DGKK: variants seen among roughly 807,000 people sequenced by gnomAD.
DGKK encodes the protein diacylglycerol kinase kappa.
In DGKK, 35 loss-of-function variants were observed where a neutral mutation model predicts 92.2. That is an observed-to-expected ratio of 0.38 (90% CI 0.29 to 0.50). DGKK has a LOEUF of 0.50. DGKK is among the 20% of genes least tolerant of loss of function. DGKK has a pLI of 0.92. For missense variants in DGKK, 910 were observed against 992.2 expected (o/e 0.92, Z 1.11); for synonymous variants, 368 against 360.6 (o/e 1.02, Z -0.23).
chrX:50,458,457 A>G (rs940882682), intron 1 of DGKK, among the ~76,000 whole-genome samples: 13 of 109,055 alleles, frequency 1.2e-4, no homozygotes, highest in Non-Finnish European at 1.9e-5. Context: ...GAGAAAGCAG[A>G]TGAGACTTTT....
intron 1 of DGKK, among the ~76,000 whole-genome samples, chrX:50,439,865 G>GA (rs782078479): frequency 1.7e-4 from 19 of 110,771 alleles, no homozygotes; most frequent in African/African-American, 5.9e-4. Flanking sequence ...GGTCCCCAGA[G>GA]AAAAAAACAG....
chrX:50,383,195 A>G (rs1185434480), intron 17 of DGKK, among the ~76,000 whole-genome samples: 1 of 111,994 alleles, frequency 8.9e-6, no homozygotes, highest in Non-Finnish European at 1.9e-5. Flanking sequence ...GCTCATGTAA[A>G]CTGATTATGC....
intron 8 of DGKK, among the ~76,000 whole-genome samples, chrX:50,400,179 T>A (rs1557226464): frequency 8.9e-6 from 1 of 111,988 alleles, no homozygotes; most frequent in Non-Finnish European, 1.9e-5. Context: ...CATAATTGCC[T>A]AGCTCTTGTT....
At chrX:50,466,985 A>G (rs1926925451) in intron 1 of DGKK, among the ~76,000 whole-genome samples, 1 of 111,906 alleles carries the variant, frequency 8.9e-6, no homozygotes, top group Admixed American at 9.4e-5. Flanking sequence ...AATCATTTGT[A>G]TGATGTGATT....
At chrX:50,410,918 G>T (rs1373148155) in intron 4 of DGKK, among the ~76,000 whole-genome samples, 2 of 111,180 alleles carry the variant, frequency 1.8e-5, no homozygotes, top group African/African-American at 6.6e-5. Context: ...GTCACTTGGG[G>T]TCAGTAAGAA....
At chrX:50,467,175 G>A (rs1557234040) in intron 1 of DGKK, among the ~76,000 whole-genome samples, 1 of 112,306 alleles carries the variant, frequency 8.9e-6, no homozygotes, top group Non-Finnish European at 1.9e-5. Flanking sequence ...GCTGCCACCA[G>A]GTGGGAGACC....
chrX:50,445,795 T>G (rs1318370843), intron 1 of DGKK, among the ~76,000 whole-genome samples: 1 of 111,425 alleles, frequency 9.0e-6, no homozygotes, highest in South Asian at 3.7e-4. Context: ...GATTTTTACA[T>G]AGTTTTTTCT....
intron 4 of DGKK, among the ~76,000 whole-genome samples, chrX:50,415,123 T>C (rs17003348): frequency 0.046 from 5,137 of 111,439 alleles, 205 homozygotes; most frequent in African/African-American, 0.13. Context: ...GGGGACTTGC[T>C]TCTGTTCTAA....
At chrX:50,412,659 G>T (rs1557228088) in intron 4 of DGKK, among the ~76,000 whole-genome samples, 1 of 112,419 alleles carries the variant, frequency 8.9e-6, no homozygotes, top group African/African-American at 3.2e-5. Flanking sequence ...ACTGACAAAT[G>T]AAACAGGGTA....
In DGKK at chrX:50,369,032, A is replaced by C; in HGVS notation, c.3737-13T>G. The C allele has an allele frequency of 1.7e-6, 2 of 1,187,316 alleles. No individual in the cohort carries two copies. Among genetic ancestry groups the C allele is most frequent in the African/African-American group, 3.5e-5 (2 of 57,281 alleles). Reference sequence around the variant, plus strand: ...TGCCATAAATTGCCTTCAGAGGAAAAAAAATGGTATAGAAATAATGAGGTT... The same window carrying C: ...TGCCATAAATTGCCTTCAGAGGAAACAAAATGGTATAGAAATAATGAGGTT... On this transcript the variant is annotated splice_polypyrimidine_tract_variant and intron_variant, in intron 27 of 27. Coordinates refer to ENST00000611977, the MANE Select transcript of DGKK (RefSeq NM_001013742.4).
chrX:50,369,715 T>C (rs1557222918), intron 27 of DGKK, among the ~76,000 whole-genome samples: 2 of 110,780 alleles, frequency 1.8e-5, no homozygotes, highest in African/African-American at 6.6e-5. Flanking sequence ...ACGCACACCA[T>C]CATGCCCTAT....
At chrX:50,403,715 C>A (rs1293449203) in intron 5 of DGKK, 118 bp from the exon 6 acceptor site, 9 of 595,025 alleles carry the variant, frequency 1.5e-5, no homozygotes, top group Non-Finnish European at 2.1e-5. Context: ...AGTTCTAATG[C>A]ACCTCCAAAA....
chrX:50,468,857 TTGTGTG>T (rs145971796), intron 1 of DGKK, among the ~76,000 whole-genome samples: 2 of 103,321 alleles, frequency 1.9e-5, no homozygotes, highest in Non-Finnish European at 4.0e-5. Flanking sequence ...TGTTATTCGT[TTGTGTG>T]TGTGTGTGTG....
chrX:50,433,740 C>G (rs1225337936), intron 1 of DGKK, among the ~76,000 whole-genome samples: 1 of 111,399 alleles, frequency 9.0e-6, no homozygotes, highest in Non-Finnish European at 1.9e-5. Context: ...AGCCAAGAAA[C>G]AGGAAATCCA....
intron 1 of DGKK, 21 bp downstream of exon 1, chrX:50,470,013 T>G (rs1256425577): frequency 3.4e-6 from 4 of 1,173,386 alleles, no homozygotes; most frequent in Non-Finnish European, 4.6e-6. Context: ...TTTTCCCCGC[T>G]TCAGGGGGTC....
chrX:50,412,577 A>G (rs1925330433), intron 4 of DGKK, among the ~76,000 whole-genome samples: 2 of 112,337 alleles, frequency 1.8e-5, no homozygotes, highest in Admixed American at 9.4e-5. Flanking sequence ...GAAGCATCAC[A>G]CTTGCTGATT....
At chrX:50,383,767 G>GACC (rs1307663928) in intron 17 of DGKK, among the ~76,000 whole-genome samples, 2 of 111,946 alleles carry the variant, frequency 1.8e-5, no homozygotes, top group African/African-American at 6.5e-5. Flanking sequence ...GTCCCCTAGT[G>GACC]ACCATTTTAG....
chrX:50,377,392 C>T (rs999438399), intron 22 of DGKK, among the ~76,000 whole-genome samples: 1 of 112,416 alleles, frequency 8.9e-6, no homozygotes, highest in African/African-American at 3.2e-5. Flanking sequence ...CCTCTCTGGT[C>T]CTCATTTTCC....
At chrX:50,446,483 C>G (rs1344627039) in intron 1 of DGKK, among the ~76,000 whole-genome samples, 9 of 111,421 alleles carry the variant, frequency 8.1e-5, no homozygotes, top group African/African-American at 2.9e-4. Flanking sequence ...TGATGTGGAA[C>G]ATCTTTGCAT....
Sources: allele counts gnomAD v4.1 joint callset (sites outside exome capture counted in the v4.1 genomes callset), GRCh38; gene constraint gnomAD v4.1.1; transcripts MANE v1.5; gene names NCBI Gene and HGNC (gene_info 2026-07-23, HGNC 2026-07-21).